SYNPR: variants seen among roughly 807,000 people sequenced by gnomAD.
The protein encoded by SYNPR is synaptoporin.
SYNPR carries 23 observed loss-of-function variants against 32.9 expected under a neutral mutation model. That is an observed-to-expected ratio of 0.70 (90% CI 0.50 to 0.99). SYNPR has a LOEUF of 0.99. SYNPR is among the 50% of genes least tolerant of loss of function. SYNPR has a pLI of 0.00. For synonymous variants in SYNPR, 146 were observed against 135.9 expected, an observed-to-expected ratio of 1.07 and a Z score of -0.52; for missense variants, 318 against 349.3, an observed-to-expected ratio of 0.91 and a Z score of 0.71.
intron 2 of SYNPR, among the ~76,000 whole-genome samples, chr3:63,438,210 T>A (rs1368525718): frequency 6.6e-6 from 1 of 152,114 alleles, no homozygotes; most frequent in Non-Finnish European, 1.5e-5. Context: ...TAACTACCAT[T>A]TTCTCTCATT....
chr3:63,309,114 C>T (rs1435040338), intron 2 of SYNPR, among the ~76,000 whole-genome samples: 1 of 151,944 alleles, frequency 6.6e-6, no homozygotes. Flanking sequence ...TTCTTCTACA[C>T]TTCTAATCTG....
rs191290175 is a variant in SYNPR at position 63,347,518 on chromosome 3, C to A, written c.84+68776C>A. On this transcript the variant is annotated intron_variant, in intron 2 of 5. Coordinates refer to ENST00000478300, the MANE Select transcript of SYNPR (RefSeq NM_001130003.2). ...TGTATAAATTTAAGGTATACAAGTA[C>A]AGTTTTGTTACATGGATATATTATG... Among the ~76,000 whole-genome samples, 156 of 152,208 alleles carry A rather than the reference C, an allele frequency of 1.0e-3. 1 individual carries two copies. The highest frequency in any genetic ancestry group is 0.01 in the Middle Eastern group (3 of 294).
intron 3 of SYNPR, among the ~76,000 whole-genome samples, chr3:63,535,573 A>C (rs752191079): frequency 2.6e-5 from 4 of 152,186 alleles, no homozygotes; most frequent in Admixed American, 6.6e-5. Flanking sequence ...GTATTGGCAT[A>C]AGGATAGACA....
chr3:63,498,492 C>G (rs928575842), intron 3 of SYNPR, among the ~76,000 whole-genome samples: 1 of 152,028 alleles, frequency 6.6e-6, no homozygotes, highest in East Asian at 1.9e-4. Flanking sequence ...AAAAATTAAA[C>G]AGAGTGATGT....
At chr3:63,384,568 C>A (rs1294072034) in intron 2 of SYNPR, among the ~76,000 whole-genome samples, 1 of 152,108 alleles carries the variant, frequency 6.6e-6, no homozygotes, top group Non-Finnish European at 1.5e-5. Context: ...AAGGAACGAA[C>A]AATATGTGCT....
rs113929760 is a variant in SYNPR at position 63,611,872 on chromosome 3, T to C, written c.600+2556T>C. ...CCACCTCAGTCTCATCAGTTATGAA[T>C]AGAGGGTTTGGAGGATGATGTAGTA... On this transcript the variant is annotated intron_variant, in intron 5 of 5. Coordinates refer to ENST00000478300, the MANE Select transcript of SYNPR (RefSeq NM_001130003.2). Among the ~76,000 whole-genome samples, 740 of 152,232 alleles carry C rather than the reference T, an allele frequency of 4.9e-3. 3 individuals carry two copies. Among genetic ancestry groups the C allele is most frequent in the African/African-American group, 0.016 (657 of 41,546 alleles).
chr3:63,392,425 C>T (rs542437954), intron 2 of SYNPR, among the ~76,000 whole-genome samples: 4 of 152,156 alleles, frequency 2.6e-5, no homozygotes, highest in African/African-American at 9.7e-5. Context: ...ACTCATAATC[C>T]TTGACAGCTA....
intron 3 of SYNPR, among the ~76,000 whole-genome samples, chr3:63,511,515 G>A (rs116417704): frequency 0.011 from 1,689 of 152,224 alleles, 34 homozygotes; most frequent in African/African-American, 0.038. Context: ...TATAATGCAC[G>A]TATTTATAAT....
intron 4 of SYNPR, among the ~76,000 whole-genome samples, chr3:63,562,365 G>C (rs1702705948): frequency 6.6e-6 from 1 of 152,202 alleles, no homozygotes; most frequent in Non-Finnish European, 1.5e-5. Context: ...ATGTTTCAGT[G>C]AATCTGTATT....
chr3:63,592,836 T>C (rs572332355), intron 4 of SYNPR, among the ~76,000 whole-genome samples: 49 of 152,114 alleles, frequency 3.2e-4, no homozygotes, highest in Non-Finnish European at 5.9e-4. Flanking sequence ...CAAGACTAAT[T>C]AATAGAGTGA....
intron 2 of SYNPR, among the ~76,000 whole-genome samples, chr3:63,255,904 G>A (rs528236459): frequency 2.7e-4 from 41 of 152,158 alleles, no homozygotes; most frequent in Non-Finnish European, 5.3e-4. Context: ...GTTAGCAAAC[G>A]GCACACCAGG....
chr3:63,454,722 G>A (rs1010237700), intron 2 of SYNPR, among the ~76,000 whole-genome samples: 10 of 151,868 alleles, frequency 6.6e-5, no homozygotes, highest in Admixed American at 5.9e-4. Flanking sequence ...ATAAAACAAA[G>A]GTGAGGGCTC....
chr3:63,413,025 C>G (rs1301649318), intron 2 of SYNPR, among the ~76,000 whole-genome samples: 10 of 152,130 alleles, frequency 6.6e-5, no homozygotes, highest in Admixed American at 6.6e-4. Flanking sequence ...GTGTTCACGT[C>G]ATTATCTTAT....
chr3:63,237,617 A>C (rs1177286458), intron 1 of SYNPR, among the ~76,000 whole-genome samples: 1 of 151,986 alleles, frequency 6.6e-6, no homozygotes, highest in African/African-American at 2.4e-5. Flanking sequence ...ATGACTTTCA[A>C]TCCTACTGTG....
At chr3:63,408,032 A>G (rs2088384828) in intron 2 of SYNPR, among the ~76,000 whole-genome samples, 1 of 151,574 alleles carries the variant, frequency 6.6e-6, no homozygotes, top group African/African-American at 2.4e-5. Context: ...ATATGGTGAC[A>G]TGCAGTGGTT....
the SYNPR span, among the ~76,000 whole-genome samples, chr3:63,217,956 G>C: frequency 2.6e-5 from 4 of 152,114 alleles, no homozygotes; most frequent in South Asian, 8.3e-4. Context: ...ATGTCTATAA[G>C]GATTTCTTAC....
chr3:63,328,741 G>A (rs1319178384), intron 2 of SYNPR, among the ~76,000 whole-genome samples: 1 of 152,096 alleles, frequency 6.6e-6, no homozygotes, highest in East Asian at 1.9e-4. Context: ...ATTCCCCAGA[G>A]CTGGTACTTG....
At chr3:63,268,999 T>C (rs2086512913) in intron 3 of SYNPR, among the ~76,000 whole-genome samples, 1 of 152,238 alleles carries the variant, frequency 6.6e-6, no homozygotes, top group African/African-American at 2.4e-5. Context: ...AAGAAATCAC[T>C]GAGAAACCAT....
chr3:63,542,076 A>G (rs2106805861), intron 3 of SYNPR, among the ~76,000 whole-genome samples: 1 of 152,280 alleles, frequency 6.6e-6, no homozygotes, highest in South Asian at 2.1e-4. Flanking sequence ...GGTGAAAGTC[A>G]ACTGAATCAA....
Sources: gnomAD v4.1 joint callset for allele counts (sites outside exome capture counted in the v4.1 genomes callset) on GRCh38, gnomAD v4.1.1 for gene constraint, MANE v1.5 for transcripts, NCBI Gene and HGNC (gene_info 2026-07-23, HGNC 2026-07-21) for gene names.